GNA14: variants seen among roughly 807,000 people sequenced by gnomAD.
GNA14 encodes guanine nucleotide-binding protein subunit alpha-14.
A neutral mutation model predicts 42.0 loss-of-function variants in GNA14; 50 were observed. That is an observed-to-expected ratio of 1.19 (90% CI 0.95 to 1.51). The LOEUF is 1.51. Among genes scored for constraint, GNA14 ranks in the 40% most tolerant of loss-of-function variants. GNA14 has a pLI of 0.00. For synonymous variants in GNA14, 173 were observed against 163.1 expected, an observed-to-expected ratio of 1.06 and a Z score of -0.46; for missense variants, 473 against 446.2, an observed-to-expected ratio of 1.06 and a Z score of -0.54.
At chr9:77,603,956 C>CAAAA (rs67044542) in intron 1 of GNA14, among the ~76,000 whole-genome samples, 21 of 81,606 alleles carry the variant, frequency 2.6e-4, no homozygotes, top group African/African-American at 3.0e-4. Context: ...AAAAAAAAAA[C>CAAAA]AAAAAAAAAA....
At chr9:77,522,370 C>G (rs946376180) in intron 2 of GNA14, among the ~76,000 whole-genome samples, 1 of 152,148 alleles carries the variant, frequency 6.6e-6, no homozygotes. Context: ...CTGAAAGACT[C>G]AAAGGAAACA....
intron 1 of GNA14, among the ~76,000 whole-genome samples, chr9:77,529,709 G>A (rs1239426700): frequency 6.6e-6 from 1 of 152,164 alleles, no homozygotes. Flanking sequence ...CCATTTCCCA[G>A]AGGTGCCAAA....
intron 1 of GNA14, among the ~76,000 whole-genome samples, chr9:77,569,083 T>C (rs1028611183): frequency 6.6e-6 from 1 of 151,944 alleles, no homozygotes; most frequent in African/African-American, 2.4e-5. Context: ...CCTTCTCTTA[T>C]TCTGTTAAAG....
intron 2 of GNA14, among the ~76,000 whole-genome samples, chr9:77,525,968 C>G (rs1837430699): frequency 2.0e-5 from 3 of 151,436 alleles, no homozygotes; most frequent in African/African-American, 7.3e-5. Context: ...GAGGCACCAT[C>G]TGAGCTCACT....
At chr9:77,640,308 T>C (rs971205633) in intron 1 of GNA14, among the ~76,000 whole-genome samples, 1 of 152,216 alleles carries the variant, frequency 6.6e-6, no homozygotes, top group African/African-American at 2.4e-5. Context: ...ATTTCAACCA[T>C]CTTTAGTATC....
chr9:77,490,933 G>A (rs1465780384), intron 2 of GNA14, among the ~76,000 whole-genome samples: 6 of 152,238 alleles, frequency 3.9e-5, no homozygotes, highest in African/African-American at 4.8e-5. Flanking sequence ...CTGCCAGCAC[G>A]CTGTCACGTC....
intron 1 of GNA14, among the ~76,000 whole-genome samples, chr9:77,609,447 T>C (rs1823694909): frequency 6.6e-6 from 1 of 152,190 alleles, no homozygotes; most frequent in Non-Finnish European, 1.5e-5. Flanking sequence ...AACATCCATA[T>C]TTCTAGCACA....
chr9:77,536,768 A>T (rs974054203), intron 1 of GNA14, among the ~76,000 whole-genome samples: 2 of 152,340 alleles, frequency 1.3e-5, no homozygotes, highest in East Asian at 3.9e-4. Flanking sequence ...TTTGATAAAG[A>T]ATTTTCAAGT....
chr9:77,489,270 A>G (rs138474017), intron 2 of GNA14, among the ~76,000 whole-genome samples: 1 of 152,324 alleles, frequency 6.6e-6, no homozygotes, highest in Non-Finnish European at 1.5e-5. Flanking sequence ...AAGGTCACCT[A>G]CAAGATACAA....
chr9:77,495,390 A>G (rs934548368), intron 2 of GNA14, among the ~76,000 whole-genome samples: 1 of 152,072 alleles, frequency 6.6e-6, no homozygotes, highest in African/African-American at 2.4e-5. Context: ...CCTCTTAGCC[A>G]TGGTAAGTTG....
At chr9:77,532,424 G>C (rs62573380) in intron 1 of GNA14, among the ~76,000 whole-genome samples, 1,940 of 152,276 alleles carry the variant, frequency 0.013, 27 homozygotes, top group South Asian at 0.032. Context: ...CCCAGCAGCA[G>C]GTGAATGCAG....
intron 1 of GNA14, among the ~76,000 whole-genome samples, chr9:77,575,106 T>C (rs1823108634): frequency 6.6e-6 from 1 of 152,236 alleles, no homozygotes; most frequent in South Asian, 2.1e-4. Context: ...CCTTACTCAG[T>C]TTCCAGAGTT....
At chr9:77,581,192 G>A (rs529780432) in intron 1 of GNA14, among the ~76,000 whole-genome samples, 7 of 152,240 alleles carry the variant, frequency 4.6e-5, no homozygotes, top group African/African-American at 9.6e-5. Flanking sequence ...CCCATTTACC[G>A]GGACCACATG....
chr9:77,554,904 C>G (rs1420169474), intron 1 of GNA14, among the ~76,000 whole-genome samples: 1 of 152,168 alleles, frequency 6.6e-6, no homozygotes, highest in African/African-American at 2.4e-5. Flanking sequence ...TACTTTTCCT[C>G]CATCTGACTA....
At chr9:77,493,003 G>GAAA (rs56355394) in intron 2 of GNA14, among the ~76,000 whole-genome samples, 3 of 39,858 alleles carry the variant, frequency 7.5e-5, no homozygotes, top group Admixed American at 3.3e-4. Flanking sequence ...TCCGTCTCAG[G>GAAA]AAAAAAAAAA....
chr9:77,463,284 T>C (rs552356812), intron 2 of GNA14, among the ~76,000 whole-genome samples: 206 of 152,240 alleles, frequency 1.4e-3, no homozygotes, highest in Non-Finnish European at 2.5e-3. Context: ...CAACAGTGCA[T>C]CTCAAACAGC....
At chr9:77,534,928 G>T (rs1203260838) in intron 1 of GNA14, among the ~76,000 whole-genome samples, 1 of 152,228 alleles carries the variant, frequency 6.6e-6, no homozygotes, top group Non-Finnish European at 1.5e-5. Context: ...TGAGTCTGTT[G>T]TGTATGCAAA....
intron 1 of GNA14, among the ~76,000 whole-genome samples, chr9:77,594,653 G>A (rs1465856298): frequency 1.3e-5 from 2 of 152,166 alleles, no homozygotes; most frequent in Non-Finnish European, 2.9e-5. Flanking sequence ...TAATGGTTTG[G>A]CTGTTGTCTC....
At chr9:77,504,325 CACAAGA>C (rs1837024883) in intron 2 of GNA14, among the ~76,000 whole-genome samples, 1 of 152,068 alleles carries the variant, frequency 6.6e-6, no homozygotes, top group African/African-American at 2.4e-5. Context: ...ATCTTCATTT[CACAAGA>C]CCTGCTCTCA....
Sources: allele counts gnomAD v4.1 joint callset (sites outside exome capture counted in the v4.1 genomes callset), GRCh38; gene constraint gnomAD v4.1.1; transcripts MANE v1.5; gene names NCBI Gene and HGNC (gene_info 2026-07-23, HGNC 2026-07-21).